TNIP1: variants seen among roughly 807,000 people sequenced by gnomAD.
TNIP1 encodes TNFAIP3 interacting protein 1.
A neutral mutation model predicts 86.6 loss-of-function variants in TNIP1; 22 were observed. The observed-to-expected ratio is 0.25, with a 90% CI of 0.18 to 0.36. The LOEUF (loss-of-function observed/expected upper bound fraction) is 0.36, where lower values mean the gene tolerates loss of function less well. Among genes scored for constraint, TNIP1 ranks in the 10% least tolerant of loss-of-function variants. The pLI is 1.00. For synonymous variants in TNIP1, 294 were observed against 313.0 expected (o/e 0.94, Z 0.64); for missense variants, 709 against 820.6 (o/e 0.86, Z 1.66).
intron 1 of TNIP1, among the ~76,000 whole-genome samples, chr5:151,070,931 C>T (rs968629139): frequency 6.6e-6 from 1 of 151,494 alleles, no homozygotes; most frequent in Non-Finnish European, 1.5e-5. Context: ...AAACCATGGA[C>T]TCCGGGTGAC....
chr5:151,061,398 C>G (rs1033496639), intron 4 of TNIP1, among the ~76,000 whole-genome samples: 3 of 152,154 alleles, frequency 2.0e-5, no homozygotes, highest in African/African-American at 7.2e-5. Flanking sequence ...TCTTTCCCTG[C>G]ACCTGATCTG....
At chr5:151,048,564 C>T (rs1322198970) in intron 8 of TNIP1, among the ~76,000 whole-genome samples, 2 of 152,148 alleles carry the variant, frequency 1.3e-5, no homozygotes, top group Non-Finnish European at 2.9e-5. Context: ...GACCCTGGGG[C>T]ACAAGGGCAA....
chr5:151,050,914 C>T (rs1235036541), intron 7 of TNIP1, among the ~76,000 whole-genome samples: 1 of 152,154 alleles, frequency 6.6e-6, no homozygotes, highest in Non-Finnish European at 1.5e-5. Flanking sequence ...GGACTCAAAG[C>T]AATCCTCCCG....
intron 1 of TNIP1, among the ~76,000 whole-genome samples, chr5:151,066,045 T>G (rs1005421204): frequency 6.6e-6 from 1 of 152,212 alleles, no homozygotes; most frequent in Admixed American, 6.5e-5. Flanking sequence ...ATCGACTCCG[T>G]GCTAGGCACC....
rs1757605651 is a variant in TNIP1 at position 151,035,673 on chromosome 5, C to T, written c.1430G>A (p.Arg477His). ...CTCATTCATGCGCTCACGATCACTGCGCTCCCTCTGGAAGTCCTCCTCGAA... is the reference window on the plus strand; with the variant it reads ...CTCATTCATGCGCTCACGATCACTGTGCTCCCTCTGGAAGTCCTCCTCGAA... ...KIFEEDFQRE[R>H]SDRERMNEEK... The change falls in exon 14 of 18, where the codon CGC (arginine) becomes CAC (histidine). Residue 477 changes from arginine (R) to histidine (H), a missense_variant. Coordinates refer to ENST00000521591, the MANE Select transcript of TNIP1 (RefSeq NM_006058.5). 1 of 1,614,112 alleles carries T rather than the reference C, an allele frequency of 6.2e-7. No homozygotes were observed. The highest frequency in any genetic ancestry group is 8.5e-7 in the Non-Finnish European group (1 of 1,180,030).
chr5:151,051,116 G>T (rs966815134), intron 7 of TNIP1, among the ~76,000 whole-genome samples: 2 of 152,168 alleles, frequency 1.3e-5, no homozygotes, highest in African/African-American at 4.8e-5. Context: ...TTCAGTTTCT[G>T]AATCCATGGA....
In TNIP1 at chr5:151,056,949, G is replaced by A; in HGVS notation, c.444C>T (p.Gly148=). ...GGTTGCCGTCCTCACGGGGCAGGGG[G>A]CCCAGCGCCTGGAGAGGGAAAGGGC... ...SSSHANAMAL[G]PLPREDGNLM... Residue 148 remains glycine (G), a synonymous_variant, in exon 6 of 18, where the codon GGC becomes GGT. Transcript: ENST00000521591. 1.3e-6 allele frequency: 2 copies of A among 1,516,358 alleles called. No homozygotes were observed. The highest frequency in any genetic ancestry group is 5.1e-5 in the East Asian group (2 of 39,030). The allele number at this position is 1,516,358 out of a possible 1,614,324, so 93.9% of individuals were successfully genotyped here. A position where few individuals can be genotyped will look rare whatever the true frequency, so the allele number is the denominator to read the frequency against.
In TNIP1 at chr5:151,036,785, C is replaced by A. The variant is rs1423346543; in HGVS notation, c.1395+5G>T. On this transcript the variant is annotated splice_donor_5th_base_variant and intron_variant, in intron 13 of 17. Coordinates refer to ENST00000521591, the MANE Select transcript of TNIP1 (RefSeq NM_006058.5). ...TCCCACCTGATTTCCTCCCGGAAGC[C>A]TCACCTGCTGTTTCAGCAACTCATT... 6.2e-7 allele frequency: 1 copy of A among 1,613,904 alleles called. No individual in the cohort carries two copies. The highest frequency in any genetic ancestry group is 1.3e-5 in the African/African-American group (1 of 74,920).
At chr5:151,066,672 C>T (rs1762270424) in intron 1 of TNIP1, among the ~76,000 whole-genome samples, 5 of 152,240 alleles carry the variant, frequency 3.3e-5, no homozygotes, top group Admixed American at 3.3e-4. Flanking sequence ...TGCACAGTAA[C>T]TCTAACATGC....
chr5:151,065,664 T>G (rs543720634), intron 1 of TNIP1, among the ~76,000 whole-genome samples: 1 of 152,322 alleles, frequency 6.6e-6, no homozygotes, highest in South Asian at 2.1e-4. Flanking sequence ...TAGTAATCTT[T>G]AAAGTGAAAT....
intron 8 of TNIP1, among the ~76,000 whole-genome samples, chr5:151,048,066 G>T (rs894445120): frequency 5.9e-5 from 9 of 152,220 alleles, no homozygotes; most frequent in Non-Finnish European, 1.2e-4. Flanking sequence ...AGGTGAGGGG[G>T]AGCCCTCCAA....
intron 6 of TNIP1, among the ~76,000 whole-genome samples, chr5:151,055,046 C>A (rs1760468026): frequency 6.6e-6 from 1 of 152,202 alleles, no homozygotes; most frequent in Admixed American, 6.5e-5. Flanking sequence ...TCAGAGGTCA[C>A]AAAGATCATC....
chr5:151,063,355 T>A (rs1429353629), intron 3 of TNIP1, among the ~76,000 whole-genome samples: 1 of 152,224 alleles, frequency 6.6e-6, no homozygotes, highest in Non-Finnish European at 1.5e-5. Context: ...TGTAGTCAAC[T>A]GTTGTATCTA....
intron 1 of TNIP1, 77 bp from the exon 2 acceptor site, chr5:151,065,208 C>T (rs1762085698): frequency 1.5e-6 from 2 of 1,313,728 alleles, no homozygotes; most frequent in Non-Finnish European, 2.1e-6. Flanking sequence ...TCTAGTCTGT[C>T]AATGCCCCAG....
At chr5:151,036,960 C>T in intron 12 of TNIP1, 39 bp from the exon 13 acceptor site, 1 of 1,549,728 alleles carries the variant, frequency 6.5e-7, no homozygotes. Context: ...GCAGGAACCC[C>T]TGGAAATCAG....
chr5:151,070,604 T>C (rs1762723003), intron 1 of TNIP1, among the ~76,000 whole-genome samples: 1 of 152,216 alleles, frequency 6.6e-6, no homozygotes, highest in South Asian at 2.1e-4. Flanking sequence ...CAACTGGGAA[T>C]CTGAGCCTCA....
chr5:151,086,185 A>T (rs1581961212), intron 1 of TNIP1, among the ~76,000 whole-genome samples: 1 of 152,008 alleles, frequency 6.6e-6, no homozygotes. Flanking sequence ...GACCAATCAG[A>T]CCCGCTTCCT....
At chr5:151,035,462 G>A (rs1363069916) in intron 14 of TNIP1, 120 bp downstream of exon 14, 2 of 1,441,314 alleles carry the variant, frequency 1.4e-6, no homozygotes, top group Non-Finnish European at 1.9e-6. Context: ...AAATATGATT[G>A]CAGAGCTGGA....
Position 151,033,754 on chromosome 5 carries a change from A to C in TNIP1, c.1633T>G (p.Cys545Gly), listed in dbSNP as rs763274749. The C allele has an allele frequency of 1.5e-6, 2 of 1,364,520 alleles. No individual in the cohort carries two copies. Among genetic ancestry groups the C allele is most frequent in the Non-Finnish European group, 1.9e-6 (2 of 1,051,108 alleles). 84.5% of individuals were successfully genotyped at this position (1,364,520 alleles called of 1,614,324 possible). The change falls in exon 16 of 18, where the codon TGC becomes GGC. Residue 545 changes from cysteine to glycine, a missense_variant. By Grantham distance (159) the Cys-to-Gly change is radical. Transcript: ENST00000521591. ...GGGTAGGCGTAGGGGTAGGCCCCGCAGAGATGTTCTGGGTGGGGCTCCACA... is the reference window on the plus strand; with the variant it reads ...GGGTAGGCGTAGGGGTAGGCCCCGCCGAGATGTTCTGGGTGGGGCTCCACA... ...YHVEPHPEHL[C>G]GAYPYAYPPM...
Sources: gnomAD v4.1 joint callset for allele counts (sites outside exome capture counted in the v4.1 genomes callset) on GRCh38, gnomAD v4.1.1 for gene constraint, MANE v1.5 for transcripts, NCBI Gene and HGNC (gene_info 2026-07-23, HGNC 2026-07-21) for gene names.